Variants in NOPCHAP1 observed in about 807,000 individuals in gnomAD.
NOPCHAP1 encodes the protein NOP protein chaperone 1.
A neutral mutation model predicts 14.0 loss-of-function variants in NOPCHAP1; 13 were observed. That is an observed-to-expected ratio of 0.93 (90% CI 0.60 to 1.47). The LOEUF (loss-of-function observed/expected upper bound fraction) is 1.47. Among genes scored for constraint, NOPCHAP1 ranks in the 40% most tolerant of loss-of-function variants. The pLI is 0.00. For synonymous variants in NOPCHAP1, 78 were observed against 78.4 expected, an observed-to-expected ratio of 1.00 and a Z score of 0.03; for missense variants, 230 against 226.9, an observed-to-expected ratio of 1.01 and a Z score of -0.09.
At chr12:104,988,883 A>C (rs1873309947) in intron 2 of NOPCHAP1, among the ~76,000 whole-genome samples, 2 of 152,216 alleles carry the variant, frequency 1.3e-5, no homozygotes, top group Non-Finnish European at 2.9e-5. Flanking sequence ...TGTAGCACTA[A>C]ATCTACAATA....
chr12:104,986,610 C>G, intron 1 of NOPCHAP1, 143 bp downstream of exon 1: 1 of 639,218 alleles, frequency 1.6e-6, no homozygotes, highest in Non-Finnish European at 2.4e-6. Context: ...GGGGCTCCGG[C>G]GTGCCCTGCC....
At chr12:104,992,118 C>T (rs1274090685) in intron 3 of NOPCHAP1, among the ~76,000 whole-genome samples, 3 of 151,912 alleles carry the variant, frequency 2.0e-5, no homozygotes, top group African/African-American at 7.3e-5. Flanking sequence ...CTGTCCAAGC[C>T]CCAAAAGAGG....
In NOPCHAP1 at chr12:105,013,299, C is replaced by T. The variant is rs1044834594; in HGVS notation, c.*18603C>T. 1.3e-5 allele frequency: 2 copies of T among 152,276 alleles called. No individual in the cohort carries two copies. Among genetic ancestry groups the T allele is most frequent in the Admixed American group, 6.5e-5 (1 of 15,286 alleles). 9.4% of individuals were successfully genotyped at this position (152,276 alleles called of 1,614,324 possible). A position where few individuals can be genotyped will look rare whatever the true frequency, so the allele number is the denominator to read the frequency against. On this transcript the variant is annotated 3_prime_UTR_variant, in exon 4 of 4. Transcript: ENST00000552951. Reference sequence around the variant, plus strand: ...CACTGTGAGGAGAAAACTGCCTACTCAAGCCTCAGTCGTGGTGGACACCCC... The same window carrying T: ...CACTGTGAGGAGAAAACTGCCTACTTAAGCCTCAGTCGTGGTGGACACCCC...
chr12:104,991,656 C>T, intron 2 of NOPCHAP1, 56 bp from the exon 3 acceptor site: 1 of 1,502,420 alleles, frequency 6.7e-7, no homozygotes, highest in South Asian at 1.3e-5. Context: ...ATAGGAAATC[C>T]TGGGTTTCAG....
At chr12:104,994,325 C>A (rs575191278) in intron 3 of NOPCHAP1, among the ~76,000 whole-genome samples, 153 bp from the exon 4 acceptor site, 1 of 152,304 alleles carries the variant, frequency 6.6e-6, no homozygotes, top group African/African-American at 2.4e-5. Flanking sequence ...CCAGTCTGGG[C>A]AGCAGAGCAA....
At chr12:104,994,422 T>C (rs1425005858) in intron 3 of NOPCHAP1, 56 bp from the exon 4 acceptor site, 2 of 1,433,598 alleles carry the variant, frequency 1.4e-6, no homozygotes, top group African/African-American at 2.8e-5. Context: ...ATTGTTTTAT[T>C]ACGACTTTTT....
rs192123929 is a variant in NOPCHAP1 at position 105,008,709 on chromosome 12, A to C, written c.*14013A>C. 247 of 152,338 alleles carry C rather than the reference A, an allele frequency of 1.6e-3. 1 individual carries two copies. Among genetic ancestry groups the C allele is most frequent in the African/African-American group, 5.6e-3 (234 of 41,570 alleles). 9.4% of individuals were successfully genotyped at this position (152,338 alleles called of 1,614,324 possible). A position where few individuals can be genotyped will look rare whatever the true frequency, so the allele number is the denominator to read the frequency against. On this transcript the variant is annotated 3_prime_UTR_variant, in exon 4 of 4. Transcript: ENST00000552951. ...TTCAGTTTTCTGCATATGGCTAGCC[A>C]GTTTACCCAACACCATTTATTAAAT...
chr12:104,987,987 C>T (rs141640729), intron 1 of NOPCHAP1, among the ~76,000 whole-genome samples, 180 bp from the exon 2 acceptor site: 130 of 152,178 alleles, frequency 8.5e-4, no homozygotes, highest in African/African-American at 3.0e-3. Flanking sequence ...GGAGAGGTGG[C>T]TGGCTGTACA....
rs1473889198 is a variant in NOPCHAP1 at position 105,002,038 on chromosome 12, G to C, written c.*7342G>C. On this transcript the variant is annotated 3_prime_UTR_variant, in exon 4 of 4. Transcript: ENST00000552951. ...AGACCTTGTGGACTCATTCTAGTGG[G>C]GAAATAGTATGGCCCCAAGGAAGGA... 1.3e-5 allele frequency: 2 copies of C among 152,084 alleles called. No individual in the cohort carries two copies. The highest frequency in any genetic ancestry group is 4.8e-5 in the African/African-American group (2 of 41,384). 9.4% of individuals were successfully genotyped at this position (152,084 alleles called of 1,614,324 possible).
At chr12:104,986,562 G>C in intron 1 of NOPCHAP1, 95 bp downstream of exon 1, 1 of 1,060,270 alleles carries the variant, frequency 9.4e-7, no homozygotes, top group Non-Finnish European at 1.3e-6. Context: ...TCCCTGCCCG[G>C]GCTCCGTACC....
chr12:104,992,865 T>G (rs1330429245), intron 3 of NOPCHAP1, among the ~76,000 whole-genome samples: 1 of 152,128 alleles, frequency 6.6e-6, no homozygotes, highest in Non-Finnish European at 1.5e-5. Flanking sequence ...CCTGCCAAGG[T>G]CCGTGGAAGA....
At position 105,013,285 on chromosome 12, in the gene NOPCHAP1, GA is replaced by G; in HGVS notation, c.*18593del. 1.3e-5 allele frequency: 2 copies of G among 152,380 alleles called. No homozygotes were observed. Among genetic ancestry groups the G allele is most frequent in the Middle Eastern group, 3.4e-3 (1 of 296 alleles). 9.4% of individuals were successfully genotyped at this position (152,380 alleles called of 1,614,324 possible). A position where few individuals can be genotyped will look rare whatever the true frequency, so the allele number is the denominator to read the frequency against. On this transcript the variant is annotated 3_prime_UTR_variant, in exon 4 of 4. Transcript: ENST00000552951. Reference sequence around the variant, plus strand: ...TGTGGCTTTATTTACACTGTGAGGAGAAAACTGCCTACTCAAGCCTCAGTCG... The same window carrying G: ...TGTGGCTTTATTTACACTGTGAGGAGAAACTGCCTACTCAAGCCTCAGTCG...
Position 105,009,005 on chromosome 12 carries a change from T to G in NOPCHAP1, c.*14309T>G, listed in dbSNP as rs1873761905. 6.6e-6 allele frequency: 1 copy of G among 152,232 alleles called. No individual in the cohort carries two copies. Among genetic ancestry groups the G allele is most frequent in the South Asian group, 2.1e-4 (1 of 4,834 alleles). The allele number at this position is 152,232 out of a possible 1,614,324, so 9.4% of individuals were successfully genotyped here. A position where few individuals can be genotyped will look rare whatever the true frequency, so the allele number is the denominator to read the frequency against. ...TCATATGAAATTTAAAGTAGTTTTT[T>G]CTAATTCTGTGAAGAAAGTCAATGG... On this transcript the variant is annotated 3_prime_UTR_variant, in exon 4 of 4. Transcript: ENST00000552951.
rs1873505114 is a variant in NOPCHAP1 at position 104,996,533 on chromosome 12, C to T, written c.*1837C>T. The T allele has an allele frequency of 6.6e-6, 1 of 152,156 alleles. No individual in the cohort carries two copies. Among genetic ancestry groups the T allele is most frequent in the Admixed American group, 6.5e-5 (1 of 15,288 alleles). 9.4% of individuals were successfully genotyped at this position (152,156 alleles called of 1,614,324 possible). A position where few individuals can be genotyped will look rare whatever the true frequency, so the allele number is the denominator to read the frequency against. On this transcript the variant is annotated 3_prime_UTR_variant, in exon 4 of 4. Transcript: ENST00000552951. ...GCACCCTCCTCCCACCCTCCATCCT[C>T]AAGTGGGCCCTAATGTCTGGTTCCC...
Position 105,005,219 on chromosome 12 carries a change from A to G in NOPCHAP1, c.*10523A>G, listed in dbSNP as rs1873684218. 1 of 152,244 alleles carries G rather than the reference A, an allele frequency of 6.6e-6. No individual in the cohort carries two copies. The highest frequency in any genetic ancestry group is 2.4e-5 in the African/African-American group (1 of 41,464). The allele number at this position is 152,244 out of a possible 1,614,324, so 9.4% of individuals were successfully genotyped here. ...TGAGTTGTTTGACAAAGAATTGGAT[A>G]AAACGTGCAAATCAATGAAAGGATG... On this transcript the variant is annotated 3_prime_UTR_variant, in exon 4 of 4. Coordinates refer to ENST00000552951, the MANE Select transcript of NOPCHAP1 (RefSeq NM_152318.3).
In NOPCHAP1 at chr12:104,986,381, G is replaced by C. The variant is rs371639910; in HGVS notation, c.29G>C (p.Ser10Thr). 101 of 1,611,376 alleles carry C rather than the reference G, an allele frequency of 6.3e-5. 2 individuals carry two copies. The South Asian group carries it at 7.6e-4, about 12-fold the overall frequency. MEVHGKPKA[S>T]PSCSSPTRDS... ...GAGGTCCATGGCAAGCCCAAGGCTA[G>C]CCCGAGTTGTTCGTCGCCCACCCGG... The change falls in exon 1 of 4, where the codon AGC becomes ACC. Residue 10 changes from serine to threonine, a missense_variant. Ser to Thr is a moderately conservative substitution (Grantham distance 58, BLOSUM62 1). Coordinates refer to ENST00000552951, the MANE Select transcript of NOPCHAP1 (RefSeq NM_152318.3).
rs1473952296 is a variant in NOPCHAP1 at position 105,009,439 on chromosome 12, T to G, written c.*14743T>G. On this transcript the variant is annotated 3_prime_UTR_variant, in exon 4 of 4. Transcript: ENST00000552951. ...GACAATTTGACTTCCTCTCTTCCTATTTTTATACCCTTTATTTCTTTCTCT... is the reference window on the plus strand; with the variant it reads ...GACAATTTGACTTCCTCTCTTCCTAGTTTTATACCCTTTATTTCTTTCTCT... The G allele has an allele frequency of 6.6e-6, 1 of 152,182 alleles. No individual in the cohort carries two copies. The highest frequency in any genetic ancestry group is 1.5e-5 in the Non-Finnish European group (1 of 68,016). 9.4% of individuals were successfully genotyped at this position (152,182 alleles called of 1,614,324 possible). A position where few individuals can be genotyped will look rare whatever the true frequency, so the allele number is the denominator to read the frequency against.
chr12:104,990,152 G>T (rs1383362892), intron 2 of NOPCHAP1, among the ~76,000 whole-genome samples: 1 of 152,100 alleles, frequency 6.6e-6, no homozygotes, highest in Non-Finnish European at 1.5e-5. Context: ...TGGACATTTT[G>T]AATATTATGG....
At position 105,012,435 on chromosome 12, in the gene NOPCHAP1, C is replaced by T. The variant is rs1324263888; in HGVS notation, c.*17739C>T. ...CTTCCTTGCATTGGGTTAGAACATGCTCCTTTAGCTCGGAGGAATTTGTTA... is the reference window on the plus strand; with the variant it reads ...CTTCCTTGCATTGGGTTAGAACATGTTCCTTTAGCTCGGAGGAATTTGTTA... On this transcript the variant is annotated 3_prime_UTR_variant, in exon 4 of 4. Transcript: ENST00000552951. 3.3e-5 allele frequency: 5 copies of T among 152,178 alleles called. No homozygotes were observed. The highest frequency in any genetic ancestry group is 7.3e-5 in the Non-Finnish European group (5 of 68,044). 9.4% of individuals were successfully genotyped at this position (152,178 alleles called of 1,614,324 possible). A position where few individuals can be genotyped will look rare whatever the true frequency, so the allele number is the denominator to read the frequency against.
Sources: gnomAD v4.1 joint callset for allele counts (sites outside exome capture counted in the v4.1 genomes callset) on GRCh38, gnomAD v4.1.1 for gene constraint, MANE v1.5 for transcripts, NCBI Gene and HGNC (gene_info 2026-07-23, HGNC 2026-07-21) for gene names.